PLXNA2: variants seen among roughly 807,000 people sequenced by gnomAD.
PLXNA2 encodes the protein plexin A2.
Under a neutral mutation model 193.5 loss-of-function variants are expected in PLXNA2, and 91 were observed. The ratio of observed to expected loss-of-function variants is 0.47; its 90% CI spans 0.40 to 0.56. PLXNA2 has a LOEUF of 0.56. PLXNA2 is among the 20% of genes least tolerant of loss of function. PLXNA2 has a pLI of 0.00. For synonymous variants in PLXNA2, 997 were observed against 1,027.3 expected, an observed-to-expected ratio of 0.97 and a Z score of 0.56; for missense variants, 1,995 against 2,503.2, an observed-to-expected ratio of 0.80 and a Z score of 4.33.
In PLXNA2 at chr1:208,142,345, A is replaced by G; in HGVS notation, c.1490T>C (p.Val497Ala). 6.2e-7 allele frequency: 1 copy of G among 1,604,432 alleles called. No individual in the cohort carries two copies. Among genetic ancestry groups the G allele is most frequent in the East Asian group, 2.2e-5 (1 of 44,794 alleles). The change falls in exon 4 of 32, where the codon GTC (valine) becomes GCC (alanine). Residue 497 changes from valine (V) to alanine (A), a missense_variant. By Grantham distance (64) the Val-to-Ala change is moderately conservative. Around this residue, in one of 3 missense-constraint regions of PLXNA2, gnomAD observed 702 missense variants for 812.9 expected, o/e 0.86. Coordinates refer to ENST00000367033, the MANE Select transcript of PLXNA2 (RefSeq NM_025179.4). ...AGCACTTACCTGTCTCTCAGACATGACGTACAGGTAGCGCTGATCAATGGA... is the reference window on the plus strand; with the variant it reads ...AGCACTTACCTGTCTCTCAGACATGGCGTACAGGTAGCGCTGATCAATGGA... ...AFSIDQRYLYVMSERQVTRVP... is the reference protein window; with the variant it reads ...AFSIDQRYLYAMSERQVTRVP...
chr1:208,045,279 A>G, intron 18 of PLXNA2, 69 bp from the exon 19 acceptor site: 1 of 1,525,878 alleles, frequency 6.6e-7, no homozygotes, highest in Admixed American at 1.7e-5. Flanking sequence ...CCTACTTAAA[A>G]AGAGATTAAG....
rs1671157005 is a variant in PLXNA2 at position 208,217,102 on chromosome 1, A to G, written c.821T>C (p.Leu274Pro). The change falls in exon 2 of 32, where the codon CTC becomes CCC. Residue 274 changes from leucine to proline, a missense_variant. Around this residue, in one of 3 missense-constraint regions of PLXNA2, gnomAD observed 702 missense variants for 812.9 expected, o/e 0.86. Transcript: ENST00000367033. The surrounding 1 kb of genome is among the most constrained non-coding windows in gnomAD (Gnocchi z 4.7). ...EGVAINSAGD[L>P]FYTSRIVRLC... ...CCGCACGATGCGTGAGGTGTAGAAG[A>G]GGTCTCCAGCGGAGTTGATGGCCAC... 2 of 1,614,086 alleles carry G rather than the reference A, an allele frequency of 1.2e-6. No homozygotes were observed. The highest frequency in any genetic ancestry group is 1.7e-6 in the Non-Finnish European group (2 of 1,180,022).
chr1:208,092,765 G>A, intron 9 of PLXNA2, 21 bp downstream of exon 9: 1 of 1,546,768 alleles, frequency 6.5e-7, no homozygotes, highest in East Asian at 2.2e-5. Flanking sequence ...ACACTGCCAT[G>A]TTAGGGTAAG....
intron 3 of PLXNA2, among the ~76,000 whole-genome samples, chr1:208,178,543 G>A (rs555563085): frequency 1.3e-5 from 2 of 152,198 alleles, no homozygotes; most frequent in Non-Finnish European, 2.9e-5. Context: ...GGTGTTGCCT[G>A]CCTCTGCCTT....
At chr1:208,122,466 C>T (rs767027411) in intron 4 of PLXNA2, among the ~76,000 whole-genome samples, 2 of 152,072 alleles carry the variant, frequency 1.3e-5, no homozygotes, top group Non-Finnish European at 2.9e-5. Flanking sequence ...TGATTATCTC[C>T]CTAATAGGAA....
At position 208,217,767 on chromosome 1, in the gene PLXNA2, G is replaced by A. The variant is rs1671187775; in HGVS notation, c.156C>T (p.His52=). 3.7e-6 allele frequency: 6 copies of A among 1,614,100 alleles called. No individual in the cohort carries two copies. The highest frequency in any genetic ancestry group is 5.1e-6 in the Non-Finnish European group (6 of 1,180,044). ...HSENRDWTFN[H]LTVHQGTGAV... is the part of the protein sequence containing the mutation. ...CCCCCGTCCCTTGGTGGACGGTCAAGTGGTTGAAGGTCCAGTCACGATTCT... is the reference window on the plus strand; with the variant it reads ...CCCCCGTCCCTTGGTGGACGGTCAAATGGTTGAAGGTCCAGTCACGATTCT... The change falls in exon 2 of 32, where the codon CAC becomes CAT. Residue 52 remains histidine, a synonymous_variant. Coordinates refer to ENST00000367033, the MANE Select transcript of PLXNA2 (RefSeq NM_025179.4). This position sits in a 1 kb window ranked among gnomAD's most constrained non-coding sequence, Gnocchi z 4.7.
chr1:208,197,752 C>T (rs899244236), intron 3 of PLXNA2, among the ~76,000 whole-genome samples: 15 of 152,176 alleles, frequency 9.9e-5, no homozygotes, highest in African/African-American at 1.7e-4. Flanking sequence ...TTCCTGGCTA[C>T]GAGCTGTCTG....
chr1:208,240,905 T>G (rs567211924), intron 1 of PLXNA2, among the ~76,000 whole-genome samples: 1 of 152,180 alleles, frequency 6.6e-6, no homozygotes, highest in Non-Finnish European at 1.5e-5. Context: ...GGGGAGGTGC[T>G]GCTGGAGACA....
At chr1:208,053,081 T>G (rs1399027537) in intron 14 of PLXNA2, among the ~76,000 whole-genome samples, 2 of 152,210 alleles carry the variant, frequency 1.3e-5, no homozygotes, top group African/African-American at 4.8e-5. Context: ...AGCCTGAAGC[T>G]TAAAAGAATT....
chr1:208,184,584 G>A (rs571817668), intron 3 of PLXNA2, among the ~76,000 whole-genome samples: 8 of 152,112 alleles, frequency 5.3e-5, no homozygotes, highest in Non-Finnish European at 7.4e-5. Context: ...AAGCAGTTAT[G>A]CTTCAGTCAA....
At chr1:208,231,032 G>A (rs899406582) in intron 1 of PLXNA2, among the ~76,000 whole-genome samples, 2 of 152,200 alleles carry the variant, frequency 1.3e-5, no homozygotes, top group Non-Finnish European at 2.9e-5. Flanking sequence ...AGCACCTGGA[G>A]TGGCATCAGT....
chr1:208,213,772 C>A (rs918625790), intron 2 of PLXNA2, among the ~76,000 whole-genome samples: 1 of 152,198 alleles, frequency 6.6e-6, no homozygotes, highest in Non-Finnish European at 1.5e-5. Context: ...CTTTAAGGGG[C>A]CATTCCTCTT....
At position 208,027,236 on chromosome 1, in the gene PLXNA2, C is replaced by T. The variant is rs1457590481; in HGVS notation, c.*7G>A. ...TCCCTCTTCCCAGGAATGCGAGGCT[C>T]CTCCTCTCAGCTCTCAATGGACATG... On this transcript the variant is annotated 3_prime_UTR_variant, in exon 32 of 32. Coordinates refer to ENST00000367033, the MANE Select transcript of PLXNA2 (RefSeq NM_025179.4). 3 of 1,611,588 alleles carry T rather than the reference C, an allele frequency of 1.9e-6. No homozygotes were observed. Among genetic ancestry groups the T allele is most frequent in the Admixed American group, 1.7e-5 (1 of 60,030 alleles).
chr1:208,174,014 C>T (rs1669579794), intron 3 of PLXNA2, among the ~76,000 whole-genome samples: 1 of 152,210 alleles, frequency 6.6e-6, no homozygotes, highest in Admixed American at 6.5e-5. Context: ...TAGGAGCCCG[C>T]TGAGATAGCG....
At chr1:208,115,377 C>A (rs528898452) in intron 4 of PLXNA2, among the ~76,000 whole-genome samples, 1 of 152,180 alleles carries the variant, frequency 6.6e-6, no homozygotes, top group African/African-American at 2.4e-5. Context: ...ATTCATCCAC[C>A]AGACTGCTAT....
intron 4 of PLXNA2, among the ~76,000 whole-genome samples, chr1:208,110,269 C>T (rs979805104): frequency 6.6e-6 from 1 of 152,254 alleles, no homozygotes; most frequent in Non-Finnish European, 1.5e-5. Context: ...TCCCACACCA[C>T]TTTCTGTCCT....
intron 13 of PLXNA2, 62 bp from the exon 14 acceptor site, chr1:208,054,600 G>A (rs1665368118): frequency 1.8e-6 from 2 of 1,136,550 alleles, no homozygotes; most frequent in Non-Finnish European, 2.7e-6. Flanking sequence ...CTGTTCACTT[G>A]CTCTCCCAGT....
intron 3 of PLXNA2, among the ~76,000 whole-genome samples, chr1:208,143,136 T>C (rs1447530603): frequency 6.6e-6 from 1 of 152,192 alleles, no homozygotes; most frequent in African/African-American, 2.4e-5. Context: ...ATTAGAATCA[T>C]CTGGGGAGCT....
At chr1:208,186,366 G>C (rs1402532885) in intron 3 of PLXNA2, among the ~76,000 whole-genome samples, 1 of 152,042 alleles carries the variant, frequency 6.6e-6, no homozygotes, top group Admixed American at 6.6e-5. Flanking sequence ...AAAATGCAAA[G>C]GAATAAGAGA....
Sources: gnomAD v4.1 joint callset for allele counts (sites outside exome capture counted in the v4.1 genomes callset) on GRCh38, gnomAD v4.1.1 for gene constraint, gnomAD v4.1.1 regional missense constraint, Gnocchi (gnomAD v3.1) non-coding constraint, MANE v1.5 for transcripts, NCBI Gene and HGNC (gene_info 2026-07-23, HGNC 2026-07-21) for gene names.